DDA1: variants seen among roughly 807,000 people sequenced by gnomAD.
DDA1 encodes DET1 and DDB1 associated 1, also known as DET1- and DDB1-associated protein 1.
A neutral mutation model predicts 18.6 loss-of-function variants in DDA1; 3 were observed. The observed-to-expected ratio is 0.16, with a 90% CI of 0.07 to 0.42. DDA1 has a LOEUF of 0.42. DDA1 is among the 10% of genes least tolerant of loss of function. DDA1 has a pLI of 0.99. For synonymous variants in DDA1, 52 were observed against 54.0 expected, an observed-to-expected ratio of 0.96 and a Z score of 0.17; for missense variants, 105 against 138.2, an observed-to-expected ratio of 0.76 and a Z score of 1.20.
At chr19:17,316,369 C>T (rs2145676277) in intron 4 of DDA1, among the ~76,000 whole-genome samples, 2 of 152,270 alleles carry the variant, frequency 1.3e-5, no homozygotes, top group South Asian at 4.1e-4. Flanking sequence ...ATCACGAGGT[C>T]AGGAGATCGA....
intron 4 of DDA1, among the ~76,000 whole-genome samples, chr19:17,317,981 TTGCCC>T (rs201571984): frequency 1.3e-5 from 2 of 151,700 alleles, no homozygotes; most frequent in South Asian, 2.1e-4. Flanking sequence ...TCATTTTCTT[TTGCCC>T]TGCCCTGCCC....
intron 3 of DDA1, chr19:17,315,675 G>C (rs1294304481): frequency 3.6e-6 from 2 of 554,766 alleles, no homozygotes; most frequent in African/African-American, 3.8e-5. Context: ...GAGAAACATA[G>C]GCATGAGAGT....
chr19:17,315,271 GTGTATATACACACAC>G, intron 3 of DDA1, among the ~76,000 whole-genome samples: 2 of 56,124 alleles, frequency 3.6e-5, no homozygotes, highest in Non-Finnish European at 3.7e-5. Context: ...ATACACACAC[GTGTATATACACACAC>G]TATATATATA....
intron 1 of DDA1, among the ~76,000 whole-genome samples, chr19:17,312,110 C>T (rs2145672043): frequency 6.6e-6 from 1 of 152,292 alleles, no homozygotes; most frequent in East Asian, 1.9e-4. Flanking sequence ...TGCGTCTCTT[C>T]ACAGGGAGGC....
intron 4 of DDA1, among the ~76,000 whole-genome samples, chr19:17,317,889 C>T (rs1268692881): frequency 6.6e-6 from 1 of 151,392 alleles, no homozygotes; most frequent in Non-Finnish European, 1.5e-5. Flanking sequence ...CATCTCCCGC[C>T]TCCCGCTTCT....
chr19:17,319,553 C>G lies in DDA1; in HGVS notation c.206C>G (p.Ala69Gly). ...CTTTTCCCTGTCCCCCAGAACGCTG[C>G]CAAGAAGAGAGACCAGGAGCAAGTG... Reference protein sequence around the residue: ...LHQQWDKKNAAKKRDQEQVEL... With the variant: ...LHQQWDKKNAGKKRDQEQVEL... Residue 69 changes from alanine (A) to glycine (G), a missense_variant, in exon 5 of 5, where the codon GCC becomes GGC. This residue lies in a region of DDA1 where 62 missense variants were observed against 55.8 expected (regional missense o/e 1.11). Transcript: ENST00000359866. The G allele has an allele frequency of 6.4e-7, 1 of 1,567,334 alleles. No individual in the cohort carries two copies. Among genetic ancestry groups the G allele is most frequent in the Non-Finnish European group, 8.7e-7 (1 of 1,155,974 alleles).
intron 1 of DDA1, among the ~76,000 whole-genome samples, chr19:17,310,511 G>A (rs1354054824): frequency 6.6e-6 from 1 of 152,142 alleles, no homozygotes; most frequent in South Asian, 2.1e-4. Context: ...CCTCAGAGTG[G>A]AACTAAAGCC....
intron 4 of DDA1, 40 bp from the exon 5 acceptor site, chr19:17,319,506 A>G (rs1480015557): frequency 6.6e-7 from 1 of 1,526,418 alleles, no homozygotes; most frequent in Non-Finnish European, 8.9e-7. Flanking sequence ...GCTGTCCGAA[A>G]AAAAAGACTC....
At chr19:17,315,304 GTA>G (rs140252080) in intron 3 of DDA1, among the ~76,000 whole-genome samples, 414 of 29,410 alleles carry the variant, frequency 0.014, 5 homozygotes, top group African/African-American at 0.021. Context: ...ATACACACGT[GTA>G]TATATATACA....
chr19:17,310,401 G>C (rs951071370), intron 1 of DDA1, among the ~76,000 whole-genome samples: 1 of 151,346 alleles, frequency 6.6e-6, no homozygotes, highest in Non-Finnish European at 1.5e-5. Flanking sequence ...GCTGTTGGAA[G>C]GTTGAAATTC....
At chr19:17,316,694 A>G (rs1311066140) in intron 4 of DDA1, among the ~76,000 whole-genome samples, 1 of 150,998 alleles carries the variant, frequency 6.6e-6, no homozygotes, top group Non-Finnish European at 1.5e-5. Context: ...CTAACATAGT[A>G]AAACCCTGTC....
intron 1 of DDA1, among the ~76,000 whole-genome samples, chr19:17,312,334 C>T (rs1027368723): frequency 1.1e-4 from 17 of 152,074 alleles, no homozygotes; most frequent in African/African-American, 3.6e-4. Flanking sequence ...CAGATGACCT[C>T]GCCGGGGTGT....
At chr19:17,316,753 C>G (rs573236840) in intron 4 of DDA1, among the ~76,000 whole-genome samples, 67 of 151,924 alleles carry the variant, frequency 4.4e-4, no homozygotes, top group Non-Finnish European at 7.6e-4. Context: ...TGGTGGGCGC[C>G]TGTAGTCCCA....
chr19:17,315,222 CGTGT>C (rs2074201619), intron 3 of DDA1, among the ~76,000 whole-genome samples: 1 of 20,570 alleles, frequency 4.9e-5, no homozygotes, highest in Admixed American at 3.2e-4. Context: ...TATACACACA[CGTGT>C]ATACACACAC....
rs184191904 is a variant in DDA1 at position 17,314,603 on chromosome 19, G to C, written c.136+214G>C. ...GGGGCTTCAGCCTGGGGATGCACAC[G>C]TGGATGCCTGTCCACTCCCAGCCCC... On this transcript the variant is annotated intron_variant, in intron 3 of 4. Coordinates refer to ENST00000359866, the MANE Select transcript of DDA1 (RefSeq NM_024050.6). This position sits in a 1 kb window ranked among gnomAD's most constrained non-coding sequence, Gnocchi z 4.6. 385 of 598,812 alleles carry C rather than the reference G, an allele frequency of 6.4e-4. 1 individual carries two copies. Among genetic ancestry groups the C allele is most frequent in the Admixed American group, 2.0e-3 (65 of 33,176 alleles). The allele number at this position is 598,812 out of a possible 1,614,324, so 37.1% of individuals were successfully genotyped here.
chr19:17,309,688 C>A, intron 1 of DDA1, 31 bp downstream of exon 1: 1 of 1,608,816 alleles, frequency 6.2e-7, no homozygotes, highest in Non-Finnish European at 8.5e-7. Context: ...CCCACTCCCC[C>A]TCTGCTAGAC....
intron 4 of DDA1, among the ~76,000 whole-genome samples, chr19:17,317,424 G>A (rs1334749882): frequency 6.6e-6 from 1 of 152,028 alleles, no homozygotes; most frequent in African/African-American, 2.4e-5. Context: ...GGCTGAGGCG[G>A]GAGAATGGTG....
Position 17,322,216 on chromosome 19 carries a change from C to T in DDA1, c.*2560C>T, listed in dbSNP as rs2074243381. On this transcript the variant is annotated 3_prime_UTR_variant, in exon 5 of 5. Coordinates refer to ENST00000359866, the MANE Select transcript of DDA1 (RefSeq NM_024050.6). ...TGGGCGGGCACCTCCTTCCCCTCCC[C>T]TACCTCAGCTCCCTCCTTTGGGGTC... The T allele has an allele frequency of 6.5e-6, 1 of 153,168 alleles. No homozygotes were observed. Among genetic ancestry groups the T allele is most frequent in the South Asian group, 2.0e-4 (1 of 4,994 alleles). 9.5% of individuals were successfully genotyped at this position (153,168 alleles called of 1,614,324 possible).
rs145872025 is a variant in DDA1, at chr19:17,312,351, G to A, written c.4-1672G>A. ...GATGACCTCGCCGGGGTGTGAGGGA[G>A]GCTCTGGGAGAGGCTCCCGAAGTGT... is the stretch of plus-strand genomic sequence containing the variant. On this transcript the variant is annotated intron_variant, in intron 1 of 4. Transcript: ENST00000359866. 4.5e-4 allele frequency among the ~76,000 whole-genome samples: 68 copies of A among 152,302 alleles called. 1 individual carries two copies. The East Asian group carries it at 0.011, about 24-fold the overall frequency.
Sources: allele counts gnomAD v4.1 joint callset (sites outside exome capture counted in the v4.1 genomes callset), GRCh38; gene constraint gnomAD v4.1.1; regional missense constraint gnomAD v4.1.1; non-coding constraint Gnocchi (gnomAD v3.1); transcripts MANE v1.5; gene names NCBI Gene and HGNC (gene_info 2026-07-23, HGNC 2026-07-21).